ARR3: variants seen among roughly 807,000 people sequenced by gnomAD.
ARR3 encodes arrestin 3, also known as arrestin-C.
ARR3 carries 14 observed loss-of-function variants against 35.4 expected under a neutral mutation model. The observed-to-expected ratio is 0.40, with a 90% CI of 0.26 to 0.62. ARR3 has a LOEUF of 0.62. ARR3 is among the 20% of genes least tolerant of loss of function. ARR3 has a pLI of 0.46. For synonymous variants in ARR3, 97 were observed against 119.1 expected, an observed-to-expected ratio of 0.81 and a Z score of 1.21; for missense variants, 259 against 303.8, an observed-to-expected ratio of 0.85 and a Z score of 1.10.
intron 11 of ARR3, 31 bp from the exon 12 acceptor site, chrX:70,278,473 C>G (rs201576565): frequency 1.6e-4 from 191 of 1,199,561 alleles, no homozygotes; most frequent in Non-Finnish European, 2.1e-4. Flanking sequence ...GCAAGCCCAG[C>G]CTAAATTCTT....
rs1238820248 is a variant in ARR3 at position 70,278,150 on chromosome X, C to T, written c.767+12C>T. The T allele has an allele frequency of 8.3e-7, 1 of 1,200,729 alleles. No homozygotes were observed. Among genetic ancestry groups the T allele is most frequent in the Non-Finnish European group, 1.1e-6 (1 of 889,496 alleles). ...ATTCAGGAATTCACGTGAGCTGGTG[C>T]TGGGGCTAGGACCAGAGAGCCAAGG... On this transcript the variant is annotated intron_variant, in intron 11 of 16. Transcript: ENST00000307959.
chrX:70,278,921 G>A (rs188224710), intron 12 of ARR3, among the ~76,000 whole-genome samples: 601 of 112,918 alleles, frequency 5.3e-3, no homozygotes, highest in Non-Finnish European at 8.8e-3. Flanking sequence ...ACAAAGGTCC[G>A]ACATATGTAC....
rs185441705 is a variant in ARR3, at chrX:70,273,061, G to T, written c.145+2917G>T. Among the ~76,000 whole-genome samples, 137 of 110,404 alleles carry T rather than the reference G, an allele frequency of 1.2e-3. 1 individual carries two copies. Among genetic ancestry groups the T allele is most frequent in the African/African-American group, 4.2e-3 (127 of 30,357 alleles). ...TATATTCCATTAGCGCATTTCAGAT[G>T]ATTTCTATCCGCCTCTCACTTGATT... On this transcript the variant is annotated intron_variant, in intron 5 of 16. Transcript: ENST00000307959.
chrX:70,274,854 G>T (rs1365959811), intron 5 of ARR3, among the ~76,000 whole-genome samples: 1 of 111,878 alleles, frequency 8.9e-6, no homozygotes, highest in African/African-American at 3.3e-5. Context: ...CCTCTTAATG[G>T]CCATCTTAAT....
intron 16 of ARR3, among the ~76,000 whole-genome samples, chrX:70,281,417 C>A (rs2085684039): frequency 9.1e-6 from 1 of 110,230 alleles, no homozygotes; most frequent in Non-Finnish European, 1.9e-5. Context: ...TCTTTGATAC[C>A]TTCCCTCCTT....
intron 5 of ARR3, among the ~76,000 whole-genome samples, chrX:70,271,817 G>A (rs925425799): frequency 1.8e-5 from 2 of 111,332 alleles, no homozygotes; most frequent in Non-Finnish European, 3.8e-5. Flanking sequence ...CATATATTTT[G>A]TAGAATAAAC....
Position 70,269,677 on chromosome X carries a change from C to T in ARR3, c.24C>T (p.Thr8=), listed in dbSNP as rs1465232872. The T allele has an allele frequency of 1.7e-6, 2 of 1,206,209 alleles. No homozygotes were observed. The highest frequency in any genetic ancestry group is 4.4e-5 in the Admixed American group (2 of 45,679). Residue 8 remains threonine (T), a synonymous_variant, in exon 3 of 17, where the codon ACC becomes ACT. Coordinates refer to ENST00000307959, the MANE Select transcript of ARR3 (RefSeq NM_004312.3). MSKVFKK[T]SSNGKLSIYL... is the part of the protein sequence containing the mutation. ...CTCCTCATAGGGTGTTTAAGAAGAC[C>T]AGCTCCAATGGGAAGGTGAGAGAAC...
chrX:70,273,223 T>TC, intron 5 of ARR3, among the ~76,000 whole-genome samples: 1 of 88,006 alleles, frequency 1.1e-5, no homozygotes, highest in African/African-American at 4.2e-5. Flanking sequence ...CCTTTTTTTT[T>TC]TTTTTTTTTT....
rs1459371414 is a variant in ARR3 at position 70,280,933 on chromosome X, T to C, written c.1066+115T>C. On this transcript the variant is annotated intron_variant, in intron 15 of 16. Coordinates refer to ENST00000307959, the MANE Select transcript of ARR3 (RefSeq NM_004312.3). The stretch of plus-strand genomic sequence containing the variant: ...TGCCTGGGGATGGAATAGCAATAGG[T>C]AGGCTGGGTGTCTAGGTATTCAGGG... 4 of 987,403 alleles carry C rather than the reference T, an allele frequency of 4.1e-6. No individual in the cohort carries two copies. The Middle Eastern group carries it at 9.6e-4, about 238-fold the overall frequency. The allele number at this position is 987,403 out of a possible 1,213,427, so 81.4% of individuals were successfully genotyped here.
intron 9 of ARR3, 40 bp from the exon 10 acceptor site, chrX:70,277,676 C>A (rs564380247): frequency 8.4e-7 from 1 of 1,186,864 alleles, no homozygotes; most frequent in Non-Finnish European, 1.1e-6. Flanking sequence ...TCTGCGTATT[C>A]GTCCTCCAGC....
Position 70,281,797 on chromosome X carries a change from A to G in ARR3, c.*31A>G. ...TCGCTCTGGTGCCCGTCTGTGTGGG[A>G]GCCCCCACTGTAACACTCTAATAAA... is the stretch of plus-strand genomic sequence containing the variant. On this transcript the variant is annotated 3_prime_UTR_variant, in exon 17 of 17. Coordinates refer to ENST00000307959, the MANE Select transcript of ARR3 (RefSeq NM_004312.3). 9.4e-7 allele frequency: 1 copy of G among 1,066,292 alleles called. No homozygotes were observed. The highest frequency in any genetic ancestry group is 1.3e-6 in the Non-Finnish European group (1 of 790,319). 87.9% of individuals were successfully genotyped at this position (1,066,292 alleles called of 1,213,427 possible).
chrX:70,280,619 G>A (rs752399062), intron 14 of ARR3, 37 bp downstream of exon 14: 3 of 1,197,628 alleles, frequency 2.5e-6, no homozygotes, highest in Non-Finnish European at 2.3e-6. Flanking sequence ...TGGGCAAGAA[G>A]AGGAGGACAA....
At chrX:70,280,346 C>T (rs1454968083) in intron 13 of ARR3, 68 bp downstream of exon 13, 2 of 1,093,103 alleles carry the variant, frequency 1.8e-6, no homozygotes, top group Admixed American at 4.6e-5. Context: ...CTCTGTTTTT[C>T]TCCCAGTTAG....
At chrX:70,278,264 G>A in intron 11 of ARR3, 126 bp downstream of exon 11, 1 of 725,575 alleles carries the variant, frequency 1.4e-6, no homozygotes, top group Non-Finnish European at 2.1e-6. Context: ...GGGATTCCCA[G>A]GAGAACTAGA....
intron 7 of ARR3, 23 bp from the exon 8 acceptor site, chrX:70,276,646 T>G: frequency 8.3e-7 from 1 of 1,208,292 alleles, no homozygotes; most frequent in Non-Finnish European, 1.1e-6. Context: ...AAATGAGCTC[T>G]CTTTGCCCTT....
intron 12 of ARR3, among the ~76,000 whole-genome samples, 158 bp from the exon 13 acceptor site, chrX:70,280,037 G>A (rs1401002097): frequency 9.0e-6 from 1 of 111,644 alleles, no homozygotes; most frequent in East Asian, 2.8e-4. Flanking sequence ...AGAGAAATGT[G>A]GTCTCAACGG....
chrX:70,281,002 T>TGGGG (rs35570675), intron 15 of ARR3, 97 bp from the exon 16 acceptor site: 3 of 786,975 alleles, frequency 3.8e-6, no homozygotes, highest in African/African-American at 5.9e-5. Flanking sequence ...ATTGGGAAGT[T>TGGGG]GGGGGGGGGG....
In ARR3 at chrX:70,278,510, T is replaced by A; in HGVS notation, c.774T>A (p.Thr258=). ...KTVFIQEFTE[T]VAANSSFSQS... Reference sequence around the variant, plus strand: ...TCTTGTTCTTCTTTTGTAGGGAGACTGTAGCTGCTAATTCCAGCTTCTCCC... The same window carrying A: ...TCTTGTTCTTCTTTTGTAGGGAGACAGTAGCTGCTAATTCCAGCTTCTCCC... The change falls in exon 12 of 17, where the codon ACT becomes ACA. Residue 258 remains threonine, a synonymous_variant. Transcript: ENST00000307959. 1 of 1,210,102 alleles carries A rather than the reference T, an allele frequency of 8.3e-7. No individual in the cohort carries two copies. The highest frequency in any genetic ancestry group is 1.1e-6 in the Non-Finnish European group (1 of 894,614).
At chrX:70,271,646 T>C (rs962640310) in intron 5 of ARR3, among the ~76,000 whole-genome samples, 6 of 111,828 alleles carry the variant, frequency 5.4e-5, no homozygotes, top group African/African-American at 1.9e-4. Flanking sequence ...GAGAGAAAAG[T>C]AAAAAATACC....
Sources: allele counts gnomAD v4.1 joint callset (sites outside exome capture counted in the v4.1 genomes callset), GRCh38; gene constraint gnomAD v4.1.1; transcripts MANE v1.5; gene names NCBI Gene and HGNC (gene_info 2026-07-23, HGNC 2026-07-21).